The following PALD1 variants were observed in gnomAD, a reference collection of about 807,000 sequenced individuals.
The protein encoded by PALD1 is phosphatase domain containing paladin 1, also known as paladin.
Under a neutral mutation model 96.0 loss-of-function variants are expected in PALD1, and 57 were observed. The ratio of observed to expected loss-of-function variants is 0.59; its 90% CI spans 0.48 to 0.74. The LOEUF is 0.74. PALD1 is among the 30% of genes least tolerant of loss of function. PALD1 has a pLI of 0.00. For missense variants in PALD1, 1,063 were observed against 1,143.7 expected (o/e 0.93, Z 1.02); for synonymous variants, 464 against 473.6 (o/e 0.98, Z 0.26).
At chr10:70,519,637 C>T (rs1274320105) in intron 1 of PALD1, among the ~76,000 whole-genome samples, 2 of 149,830 alleles carry the variant, frequency 1.3e-5, no homozygotes, top group African/African-American at 2.5e-5. Context: ...TGCAGTGGCG[C>T]GATCTCAACT....
In PALD1 at chr10:70,531,851, C is replaced by T. The variant is rs1044238020; in HGVS notation, c.633+397C>T. ...ACAAAAAATTAGCTGGACGTGCTTG[C>T]GCATGCCTATAATCCTAGCTACTCG... is the stretch of plus-strand genomic sequence containing the variant. On this transcript the variant is annotated intron_variant, in intron 5 of 19. Coordinates refer to ENST00000263563, the MANE Select transcript of PALD1 (RefSeq NM_014431.3). 4.0e-5 allele frequency among the ~76,000 whole-genome samples: 6 copies of T among 151,898 alleles called. No homozygotes were observed. In the East Asian group the frequency reaches 7.7e-4, roughly 20 times the overall value.
At chr10:70,537,020 C>T (rs1847128004) in intron 10 of PALD1, among the ~76,000 whole-genome samples, 1 of 152,160 alleles carries the variant, frequency 6.6e-6, no homozygotes. Context: ...TCTCCGTTTC[C>T]CTCTGTAAAT....
At chr10:70,564,586 C>T (rs1847806318) in intron 19 of PALD1, 67 bp downstream of exon 19, 1 of 1,491,840 alleles carries the variant, frequency 6.7e-7, no homozygotes. Flanking sequence ...GGGTCACAGC[C>T]ACTCAGTGCC....
intron 17 of PALD1, among the ~76,000 whole-genome samples, chr10:70,545,814 G>A (rs1847350318): frequency 6.6e-6 from 1 of 152,070 alleles, no homozygotes. Flanking sequence ...CTGCAGGTTA[G>A]GAGGAGGGTG....
At chr10:70,527,937 C>A (rs1018585157) in intron 2 of PALD1, among the ~76,000 whole-genome samples, 2 of 152,144 alleles carry the variant, frequency 1.3e-5, no homozygotes, top group African/African-American at 2.4e-5. Flanking sequence ...CCCGTCCCCC[C>A]ACCCCACAAC....
intron 5 of PALD1, among the ~76,000 whole-genome samples, chr10:70,531,896 T>C (rs1369095710): frequency 1.3e-5 from 2 of 151,462 alleles, no homozygotes; most frequent in Non-Finnish European, 2.9e-5. Context: ...GGCAGGAGAA[T>C]TGCTTGAACC....
At chr10:70,560,161 AG>A (rs1341419913) in intron 18 of PALD1, among the ~76,000 whole-genome samples, 1 of 152,216 alleles carries the variant, frequency 6.6e-6, no homozygotes, top group African/African-American at 2.4e-5. Context: ...TAAGAAGGGC[AG>A]GGCTGTTGGG....
In PALD1 at chr10:70,529,981, G is replaced by A. The variant is rs1431583597; in HGVS notation, c.381G>A (p.Gln127=). 3 of 1,611,454 alleles carry A rather than the reference G, an allele frequency of 1.9e-6. No individual in the cohort carries two copies. Among genetic ancestry groups the A allele is most frequent in the Admixed American group, 1.7e-5 (1 of 59,668 alleles). ...GGGCCCCCAACTTCCGGCAGGTGCA[G>A]GGTGGGCTCACTGTGTTCGGCATGG... is the stretch of plus-strand genomic sequence containing the variant. ...SCGAPNFRQV[Q]GGLTVFGMGQ... is the part of the protein sequence containing the mutation. Residue 127 remains glutamine, a synonymous_variant, in exon 4 of 20, where the codon CAG becomes CAA. Transcript: ENST00000263563.
intron 1 of PALD1, among the ~76,000 whole-genome samples, chr10:70,525,111 C>T (rs1371819663): frequency 3.3e-5 from 5 of 152,188 alleles, no homozygotes; most frequent in Non-Finnish European, 7.4e-5. Flanking sequence ...AAGCGATTCT[C>T]GTGCCTCAGC....
At chr10:70,555,345 A>G (rs1316169923) in intron 18 of PALD1, among the ~76,000 whole-genome samples, 1 of 152,096 alleles carries the variant, frequency 6.6e-6, no homozygotes, top group Non-Finnish European at 1.5e-5. Flanking sequence ...GAACAGGACA[A>G]ATTTTATTAG....
chr10:70,529,095 GACAATGGGCAGTCTCTGCC>G, intron 2 of PALD1, 115 bp from the exon 3 acceptor site: 1 of 608,288 alleles, frequency 1.6e-6, no homozygotes, highest in Admixed American at 2.4e-5. Context: ...GATATTGAGG[GACAATGGGCAGTCTCTGCC>G]ACAAATCGTA....
intron 1 of PALD1, among the ~76,000 whole-genome samples, chr10:70,482,577 A>T (rs1845952297): frequency 6.6e-6 from 1 of 152,110 alleles, no homozygotes; most frequent in Non-Finnish European, 1.5e-5. Context: ...ATAATCCCTG[A>T]GTTCCTTTTC....
chr10:70,501,832 T>TGTGC (rs1554854857), intron 1 of PALD1, among the ~76,000 whole-genome samples: 1 of 137,710 alleles, frequency 7.3e-6, no homozygotes, highest in Non-Finnish European at 1.7e-5. Context: ...TGTGTGTGTG[T>TGTGC]GTGCGTGCGT....
intron 18 of PALD1, among the ~76,000 whole-genome samples, chr10:70,554,153 G>A (rs757572281): frequency 6.6e-6 from 1 of 152,254 alleles, no homozygotes; most frequent in Non-Finnish European, 1.5e-5. Context: ...TCAAGGCCAT[G>A]CACTCTGGCT....
chr10:70,494,206 G>A (rs896512410), intron 1 of PALD1, among the ~76,000 whole-genome samples: 1 of 152,186 alleles, frequency 6.6e-6, no homozygotes, highest in African/African-American at 2.4e-5. Context: ...TCTCATGTGA[G>A]GCCTCCCCTG....
intron 1 of PALD1, among the ~76,000 whole-genome samples, chr10:70,490,878 G>A (rs1270772366): frequency 2.0e-5 from 3 of 152,194 alleles, no homozygotes; most frequent in Admixed American, 1.3e-4. Flanking sequence ...CCCGATACTC[G>A]GAAAGCTGGC....
At chr10:70,515,272 G>A (rs945472564) in intron 1 of PALD1, among the ~76,000 whole-genome samples, 1 of 152,262 alleles carries the variant, frequency 6.6e-6, no homozygotes, top group African/African-American at 2.4e-5. Flanking sequence ...TTCCAGGGGT[G>A]GAGGACTTGT....
chr10:70,533,270 G>C (rs1239621556), intron 7 of PALD1, among the ~76,000 whole-genome samples, 200 bp downstream of exon 7: 69 of 151,984 alleles, frequency 4.5e-4, no homozygotes, highest in Non-Finnish European at 1.5e-5. Flanking sequence ...GTGTGTCTGT[G>C]GGGAGTGTGT....
intron 7 of PALD1, among the ~76,000 whole-genome samples, chr10:70,533,697 G>C (rs138573842): frequency 6.6e-6 from 1 of 152,248 alleles, no homozygotes; most frequent in African/African-American, 2.4e-5. Flanking sequence ...TGCCCTCTGA[G>C]TCGCTCTCAC....
Sources: gnomAD v4.1 joint callset for allele counts (sites outside exome capture counted in the v4.1 genomes callset) on GRCh38, gnomAD v4.1.1 for gene constraint, MANE v1.5 for transcripts, NCBI Gene and HGNC (gene_info 2026-07-23, HGNC 2026-07-21) for gene names.